Variants in RPS6KC1 observed in about 807,000 individuals in gnomAD.
RPS6KC1 encodes the protein ribosomal protein S6 kinase C1.
In RPS6KC1, 54 loss-of-function variants were observed where a neutral mutation model predicts 103.8. The ratio of observed to expected loss-of-function variants is 0.52; its 90% CI spans 0.42 to 0.65. RPS6KC1 has a LOEUF of 0.65. Among genes scored for constraint, RPS6KC1 ranks in the 30% least tolerant of loss-of-function variants. The pLI, the probability that RPS6KC1 is intolerant of heterozygous loss-of-function variation, is 0.00. For synonymous variants in RPS6KC1, 439 were observed against 438.7 expected (o/e 1.00, Z -0.01); for missense variants, 1,151 against 1,253.8 (o/e 0.92, Z 1.24).
chr1:213,213,005 G>T (rs1035436578), intron 8 of RPS6KC1, among the ~76,000 whole-genome samples: 1 of 152,056 alleles, frequency 6.6e-6, no homozygotes, highest in African/African-American at 2.4e-5. Flanking sequence ...TTTCTCTCTG[G>T]CAGTGGCTTG....
At chr1:213,644,724 G>A in the RPS6KC1 span, among the ~76,000 whole-genome samples, 2,727 of 152,214 alleles carry the variant, frequency 0.018, 62 homozygotes, top group African/African-American at 0.062. Context: ...GAGTGGAATT[G>A]CTCAGTCAAA....
chr1:213,482,540 GTTT>G, the RPS6KC1 span, among the ~76,000 whole-genome samples: 305 of 60,948 alleles, frequency 5.0e-3, no homozygotes, highest in African/African-American at 0.016. Context: ...CTAACTTGAG[GTTT>G]TTTTTTTTTT....
the RPS6KC1 span, among the ~76,000 whole-genome samples, chr1:213,846,618 T>A: frequency 6.6e-6 from 1 of 152,214 alleles, no homozygotes; most frequent in African/African-American, 2.4e-5. Flanking sequence ...TCTTTTTTGC[T>A]GTCCTGGCAA....
the RPS6KC1 span, among the ~76,000 whole-genome samples, chr1:213,588,254 G>C: frequency 2.6e-5 from 4 of 151,604 alleles, no homozygotes; most frequent in Non-Finnish European, 4.4e-5. Context: ...CCACTCATGA[G>C]AGTAGAGTCC....
the RPS6KC1 span, among the ~76,000 whole-genome samples, chr1:213,711,002 G>T: frequency 1.7e-4 from 26 of 152,130 alleles, no homozygotes. Context: ...TCTTGGGGTT[G>T]CTCTTCTCGA....
chr1:213,313,692 C>G, the RPS6KC1 span, among the ~76,000 whole-genome samples: 1 of 152,156 alleles, frequency 6.6e-6, no homozygotes, highest in African/African-American at 2.4e-5. Context: ...TGGCCAGTTG[C>G]GGTGGCTCAC....
chr1:213,198,381 A>G (rs2093032384), intron 8 of RPS6KC1, among the ~76,000 whole-genome samples: 2 of 152,118 alleles, frequency 1.3e-5, no homozygotes, highest in African/African-American at 4.8e-5. Context: ...ACAGCTCTTA[A>G]TATTGTTTCC....
the RPS6KC1 span, among the ~76,000 whole-genome samples, chr1:213,437,142 C>T: frequency 2.0e-5 from 3 of 151,968 alleles, no homozygotes; most frequent in Non-Finnish European, 4.4e-5. Flanking sequence ...TATAATTTTT[C>T]GAAGATCCCC....
At chr1:213,363,856 A>G in the RPS6KC1 span, among the ~76,000 whole-genome samples, 1 of 125,944 alleles carries the variant, frequency 7.9e-6, no homozygotes, top group African/African-American at 3.1e-5. Flanking sequence ...GAGGAGATTG[A>G]GGGAGGGAAA....
At chr1:213,071,198 C>T (rs1469484296) in intron 2 of RPS6KC1, among the ~76,000 whole-genome samples, 157 bp downstream of exon 2, 1 of 152,126 alleles carries the variant, frequency 6.6e-6, no homozygotes, top group South Asian at 2.1e-4. Context: ...GGCGCAATCT[C>T]GGCTCACTGC....
At chr1:213,087,210 TG>T (rs1205569784) in intron 3 of RPS6KC1, among the ~76,000 whole-genome samples, 1 of 152,248 alleles carries the variant, frequency 6.6e-6, no homozygotes, top group Admixed American at 6.5e-5. Context: ...ATAGACTTCA[TG>T]TGAGTTTTCA....
the RPS6KC1 span, among the ~76,000 whole-genome samples, chr1:213,297,727 G>A: frequency 1.1e-4 from 17 of 151,938 alleles, no homozygotes; most frequent in Non-Finnish European, 2.1e-4. Context: ...CCTCCCTCCT[G>A]GGCCTCCCAA....
the RPS6KC1 span, among the ~76,000 whole-genome samples, chr1:213,508,863 A>G: frequency 6.6e-6 from 1 of 152,178 alleles, no homozygotes; most frequent in East Asian, 1.9e-4. Flanking sequence ...TGGATGCTGG[A>G]GAGAAAAGGG....
chr1:213,679,456 T>C, the RPS6KC1 span, among the ~76,000 whole-genome samples: 2 of 152,224 alleles, frequency 1.3e-5, no homozygotes, highest in Non-Finnish European at 2.9e-5. Flanking sequence ...GTACCCATTT[T>C]ATAGTTAGGA....
the RPS6KC1 span, among the ~76,000 whole-genome samples, chr1:213,445,620 G>C: frequency 1.3e-5 from 2 of 152,184 alleles, no homozygotes; most frequent in Admixed American, 1.3e-4. Context: ...CATCTCTGGA[G>C]GGACAGATGC....
chr1:213,582,549 G>C, the RPS6KC1 span, among the ~76,000 whole-genome samples: 2 of 152,158 alleles, frequency 1.3e-5, no homozygotes, highest in Non-Finnish European at 2.9e-5. Context: ...TTTTAAGTAT[G>C]ACATTTACCT....
the RPS6KC1 span, among the ~76,000 whole-genome samples, chr1:213,776,471 C>T: frequency 6.6e-6 from 1 of 151,600 alleles, no homozygotes. Flanking sequence ...GCAGTAATAT[C>T]TTGAAAGAAA....
At chr1:213,351,562 A>G in the RPS6KC1 span, among the ~76,000 whole-genome samples, 1 of 152,164 alleles carries the variant, frequency 6.6e-6, no homozygotes, top group South Asian at 2.1e-4. Flanking sequence ...TTTTGTCATT[A>G]TGAAGTAGTA....
chr1:213,860,374 A>G, the RPS6KC1 span, among the ~76,000 whole-genome samples: 7 of 151,456 alleles, frequency 4.6e-5, no homozygotes, highest in African/African-American at 1.7e-4. Flanking sequence ...TACTCTTTCA[A>G]TTCTTGAGTG....
Sources: gnomAD v4.1 joint callset for allele counts (sites outside exome capture counted in the v4.1 genomes callset) on GRCh38, gnomAD v4.1.1 for gene constraint, MANE v1.5 for transcripts, NCBI Gene and HGNC (gene_info 2026-07-23, HGNC 2026-07-21) for gene names.